Variants in PLEKHA5 observed in about 807,000 individuals in gnomAD.
The protein encoded by PLEKHA5 is pleckstrin homology domain-containing family A member 5.
In PLEKHA5, 55 loss-of-function variants were observed where a neutral mutation model predicts 181.9. The ratio of observed to expected loss-of-function variants is 0.30; its 90% CI spans 0.24 to 0.38. The LOEUF (loss-of-function observed/expected upper bound fraction) is 0.38. Ranked by LOEUF, PLEKHA5 falls within the 10% of genes least tolerant of loss-of-function variation. The pLI is 1.00. For missense variants in PLEKHA5, 1,432 were observed against 1,549.5 expected (o/e 0.92, Z 1.27); for synonymous variants, 535 against 529.4 (o/e 1.01, Z -0.15).
chr12:19,338,628 G>A (rs11829216), intron 21 of PLEKHA5, among the ~76,000 whole-genome samples: 1,906 of 151,554 alleles, frequency 0.013, 30 homozygotes, highest in African/African-American at 0.044. Flanking sequence ...AACACAAAGT[G>A]CTGAGATTAC....
At chr12:19,343,939 A>G (rs999253913) in intron 22 of PLEKHA5, among the ~76,000 whole-genome samples, 1 of 151,956 alleles carries the variant, frequency 6.6e-6, no homozygotes, top group African/African-American at 2.4e-5. Flanking sequence ...GTAGTCCCAA[A>G]TACTCAGGAA....
chr12:19,236,513 C>T (rs530561198), intron 3 of PLEKHA5, among the ~76,000 whole-genome samples: 7 of 151,960 alleles, frequency 4.6e-5, no homozygotes, highest in African/African-American at 1.7e-4. Flanking sequence ...TTTTGTATAC[C>T]TTTTATTGCT....
chr12:19,317,816 GA>G (rs1479670727), intron 16 of PLEKHA5, among the ~76,000 whole-genome samples: 1 of 151,078 alleles, frequency 6.6e-6, no homozygotes, highest in African/African-American at 2.4e-5. Flanking sequence ...TCCTCAACCT[GA>G]AGTTGGAGCA....
chr12:19,167,050 C>T (rs1038818397), intron 3 of PLEKHA5, among the ~76,000 whole-genome samples: 4 of 152,186 alleles, frequency 2.6e-5, no homozygotes, highest in African/African-American at 9.6e-5. Context: ...ATACTCTTCA[C>T]ACACCCATGC....
chr12:19,326,044 A>T (rs955171440), intron 20 of PLEKHA5, among the ~76,000 whole-genome samples: 2 of 152,076 alleles, frequency 1.3e-5, no homozygotes, highest in African/African-American at 2.4e-5. Flanking sequence ...TAAAATAAAT[A>T]AAATAGAATA....
intron 3 of PLEKHA5, among the ~76,000 whole-genome samples, chr12:19,190,591 T>C (rs1161786334): frequency 6.6e-6 from 1 of 152,222 alleles, no homozygotes; most frequent in African/African-American, 2.4e-5. Context: ...AAATTAACCT[T>C]GAAAGCCCAG....
At chr12:19,143,036 A>T (rs2037876036) in intron 3 of PLEKHA5, among the ~76,000 whole-genome samples, 1 of 152,166 alleles carries the variant, frequency 6.6e-6, no homozygotes, top group Non-Finnish European at 1.5e-5. Context: ...CTTGATGGAC[A>T]TGTGGGTTAT....
chr12:19,144,105 A>G (rs149528232), intron 3 of PLEKHA5, among the ~76,000 whole-genome samples: 94 of 152,308 alleles, frequency 6.2e-4, no homozygotes, highest in African/African-American at 2.2e-3. Context: ...CATAACTGCA[A>G]TAAGTGCTTC....
At chr12:19,271,186 G>C (rs991457040) in intron 10 of PLEKHA5, among the ~76,000 whole-genome samples, 3 of 152,124 alleles carry the variant, frequency 2.0e-5, no homozygotes, top group South Asian at 2.1e-4. Context: ...CACTGATAAC[G>C]AGAGAAAATG....
chr12:19,163,694 C>CTA (rs2043547516), intron 3 of PLEKHA5, among the ~76,000 whole-genome samples: 1 of 151,844 alleles, frequency 6.6e-6, no homozygotes, highest in African/African-American at 2.4e-5. Flanking sequence ...ATCTATCTAT[C>CTA]TCTTTCCTGT....
intron 30 of PLEKHA5, among the ~76,000 whole-genome samples, chr12:19,366,835 A>G (rs2095436012): frequency 6.6e-6 from 1 of 152,154 alleles, no homozygotes; most frequent in Non-Finnish European, 1.5e-5. Context: ...TCAATTGTAG[A>G]AAATTATTAT....
intron 15 of PLEKHA5, among the ~76,000 whole-genome samples, chr12:19,293,001 ATTTAAT>A (rs1166638241): frequency 1.3e-5 from 2 of 152,158 alleles, no homozygotes; most frequent in Non-Finnish European, 2.9e-5. Flanking sequence ...TTCTATTAAT[ATTTAAT>A]TTTAATTTGT....
At chr12:19,357,515 G>C (rs1307136767) in intron 26 of PLEKHA5, among the ~76,000 whole-genome samples, 1 of 152,118 alleles carries the variant, frequency 6.6e-6, no homozygotes, top group Non-Finnish European at 1.5e-5. Context: ...CAAAGTACTG[G>C]GATTATAGGC....
chr12:19,226,456 C>T (rs942220206), intron 3 of PLEKHA5, among the ~76,000 whole-genome samples: 1 of 151,998 alleles, frequency 6.6e-6, no homozygotes. Context: ...GTATATATAC[C>T]TGGGAGTTGA....
At chr12:19,211,010 T>C (rs940919642) in intron 3 of PLEKHA5, among the ~76,000 whole-genome samples, 1 of 152,172 alleles carries the variant, frequency 6.6e-6, no homozygotes, top group Non-Finnish European at 1.5e-5. Flanking sequence ...ACATGAAACT[T>C]AGCCGTGTAT....
chr12:19,292,914 G>A (rs544620129), intron 15 of PLEKHA5, among the ~76,000 whole-genome samples: 249 of 152,236 alleles, frequency 1.6e-3, no homozygotes, highest in Non-Finnish European at 3.1e-3. Flanking sequence ...ACTCCAGCTT[G>A]GGTAACAGAG....
rs2067828104 is a variant in PLEKHA5, at chr12:19,259,588, CA to C, written c.538-1356del. Among the ~76,000 whole-genome samples, 4 of 151,602 alleles carry C rather than the reference CA, an allele frequency of 2.6e-5. No homozygotes were observed. The South Asian group carries it at 8.3e-4, about 32-fold the overall frequency. On this transcript the variant is annotated intron_variant, in intron 6 of 31. Transcript: ENST00000429027. ...CAACATGGAGAAACCCTGTCTCTAC[CA>C]AAAATACAAAAATTAGCCAGCTGTA...
chr12:19,323,989 C>T (rs180962743), intron 20 of PLEKHA5, among the ~76,000 whole-genome samples: 1 of 152,238 alleles, frequency 6.6e-6, no homozygotes, highest in African/African-American at 2.4e-5. Flanking sequence ...GTGGTCATCT[C>T]TATAAACATA....
intron 13 of PLEKHA5, among the ~76,000 whole-genome samples, chr12:19,289,845 A>G (rs1202583512): frequency 6.6e-6 from 1 of 152,154 alleles, no homozygotes; most frequent in Non-Finnish European, 1.5e-5. Flanking sequence ...GTGACATTTC[A>G]GAGTATAACT....
Sources: gnomAD v4.1 joint callset for allele counts (sites outside exome capture counted in the v4.1 genomes callset) on GRCh38, gnomAD v4.1.1 for gene constraint, MANE v1.5 for transcripts, NCBI Gene and HGNC (gene_info 2026-07-23, HGNC 2026-07-21) for gene names.